Variants in ST3GAL3 observed in about 807,000 individuals in gnomAD.
ST3GAL3 encodes the protein CMP-N-acetylneuraminate-beta-1,4-galactoside alpha-2,3-sialyltransferase.
ST3GAL3 carries 21 observed loss-of-function variants against 50.1 expected under a neutral mutation model. The ratio of observed to expected loss-of-function variants is 0.42; its 90% CI spans 0.30 to 0.60. ST3GAL3 has a LOEUF of 0.60. ST3GAL3 is among the 20% of genes least tolerant of loss of function. The pLI, the probability that ST3GAL3 is intolerant of heterozygous loss-of-function variation, is 0.19. For missense variants in ST3GAL3, 353 were observed against 489.4 expected (o/e 0.72, Z 2.63); for synonymous variants, 183 against 190.0 (o/e 0.96, Z 0.30).
intron 2 of ST3GAL3, among the ~76,000 whole-genome samples, chr1:43,747,705 C>T (rs138009855): frequency 1.5e-3 from 230 of 151,574 alleles, no homozygotes; most frequent in African/African-American, 5.2e-3. Flanking sequence ...CTCAGCCTCC[C>T]GAGTAGCTGG....
chr1:43,870,182 G>A (rs2072323585), intron 5 of ST3GAL3, among the ~76,000 whole-genome samples: 1 of 152,250 alleles, frequency 6.6e-6, no homozygotes, highest in African/African-American at 2.4e-5. Flanking sequence ...TAGGGGGAAT[G>A]CCTGCCTACT....
At chr1:43,769,310 A>T (rs1694214940) in intron 2 of ST3GAL3, among the ~76,000 whole-genome samples, 1 of 152,176 alleles carries the variant, frequency 6.6e-6, no homozygotes, top group Non-Finnish European at 1.5e-5. Flanking sequence ...TTAAGGGTGA[A>T]ATTTTGAAAG....
At chr1:43,867,238 G>A (rs545601409) in intron 5 of ST3GAL3, among the ~76,000 whole-genome samples, 1 of 152,250 alleles carries the variant, frequency 6.6e-6, no homozygotes, top group South Asian at 2.1e-4. Flanking sequence ...TTCCTCCCAC[G>A]ACACGTAGGA....
At chr1:43,858,547 G>A (rs551916895) in intron 5 of ST3GAL3, among the ~76,000 whole-genome samples, 16 of 152,340 alleles carry the variant, frequency 1.1e-4, no homozygotes, top group Non-Finnish European at 1.5e-4. Flanking sequence ...CTTGCTGCTT[G>A]TGAAGAGCAA....
At chr1:43,764,820 A>C (rs1691950843) in intron 2 of ST3GAL3, among the ~76,000 whole-genome samples, 1 of 152,218 alleles carries the variant, frequency 6.6e-6, no homozygotes, top group Non-Finnish European at 1.5e-5. Context: ...GAGGGCTGAC[A>C]GTTGAGGCCT....
rs575796674 is a variant in ST3GAL3 at position 43,904,440 on chromosome 1, C to T, written c.744+4713C>T. Reference sequence around the variant, plus strand: ...TGAGACCAGCTCTTCGAGGATTCTCCACCATTTCCTTTGCGGCCATCACCA... The same window carrying T: ...TGAGACCAGCTCTTCGAGGATTCTCTACCATTTCCTTTGCGGCCATCACCA... On this transcript the variant is annotated intron_variant, in intron 9 of 11. Coordinates refer to ENST00000347631, the MANE Select transcript of ST3GAL3 (RefSeq NM_006279.5). Among the ~76,000 whole-genome samples the T allele has an allele frequency of 2.9e-3, 448 of 152,098 alleles. 4 individuals carry two copies. The highest frequency in any genetic ancestry group is 0.01 in the African/African-American group (424 of 41,460).
rs140104989 is a variant in ST3GAL3 at position 43,891,523 on chromosome 1, C to T, written c.303-2860C>T. ...GGCAGAGGTTGCAGTGAGCTGAGAT[C>T]GCACCATTGCACTCCAGCCTGGGCA... On this transcript the variant is annotated intron_variant, in intron 5 of 11. Transcript: ENST00000347631. 4.0e-3 allele frequency among the ~76,000 whole-genome samples: 602 copies of T among 152,230 alleles called. 2 individuals are homozygous for T. The highest frequency in any genetic ancestry group is 0.011 in the African/African-American group (474 of 41,548).
chr1:43,795,614 A>C (rs1441297689), intron 3 of ST3GAL3, among the ~76,000 whole-genome samples: 1 of 152,228 alleles, frequency 6.6e-6, no homozygotes, highest in Admixed American at 6.5e-5. Flanking sequence ...ACATCGCCAA[A>C]AACGTTTTAG....
intron 5 of ST3GAL3, among the ~76,000 whole-genome samples, chr1:43,844,299 G>A (rs1426202117): frequency 6.6e-6 from 1 of 152,160 alleles, no homozygotes; most frequent in Non-Finnish European, 1.5e-5. Context: ...CAGAGGGTGA[G>A]ACTGAAAGTT....
intron 5 of ST3GAL3, among the ~76,000 whole-genome samples, chr1:43,884,739 C>T (rs1370580534): frequency 6.6e-6 from 1 of 152,212 alleles, no homozygotes. Context: ...CCCTTTGTCT[C>T]ATGGGCTGCT....
chr1:43,728,816 GTATA>G (rs1179636514), intron 1 of ST3GAL3, among the ~76,000 whole-genome samples: 1 of 152,038 alleles, frequency 6.6e-6, no homozygotes, highest in Admixed American at 6.6e-5. Flanking sequence ...TTATGTCTTT[GTATA>G]TATAACACAC....
intron 7 of ST3GAL3, 150 bp downstream of exon 7, chr1:43,898,448 G>A (rs1444165558): frequency 2.2e-5 from 18 of 815,702 alleles, no homozygotes; most frequent in East Asian, 7.9e-5. Context: ...GGTGGAGCAG[G>A]TAAGTGGAAC....
At chr1:43,836,984 G>C (rs984427677) in intron 4 of ST3GAL3, among the ~76,000 whole-genome samples, 1 of 152,204 alleles carries the variant, frequency 6.6e-6, no homozygotes, top group South Asian at 2.1e-4. Flanking sequence ...CCTTGAGATT[G>C]CCTTGTCTGC....
intron 9 of ST3GAL3, among the ~76,000 whole-genome samples, chr1:43,917,650 A>G (rs1419380633): frequency 1.7e-5 from 1 of 57,332 alleles, no homozygotes; most frequent in Non-Finnish European, 3.6e-5. Context: ...ATAATATATA[A>G]TATAATATAT....
intron 2 of ST3GAL3, among the ~76,000 whole-genome samples, chr1:43,775,233 A>ATT (rs60327798): frequency 8.4e-5 from 12 of 142,288 alleles, no homozygotes; most frequent in Non-Finnish European, 1.1e-4. Flanking sequence ...GGAAATCTGA[A>ATT]TTTTTTTTTT....
chr1:43,790,472 C>T (rs551145929), intron 2 of ST3GAL3, among the ~76,000 whole-genome samples: 1 of 152,204 alleles, frequency 6.6e-6, no homozygotes, highest in South Asian at 2.1e-4. Context: ...TTGGGCCTTA[C>T]ATCATCTTGG....
chr1:43,814,843 A>G, intron 3 of ST3GAL3, 48 bp from the exon 4 acceptor site: 1 of 1,592,980 alleles, frequency 6.3e-7, no homozygotes, highest in Non-Finnish European at 8.6e-7. Flanking sequence ...ATATGCTAGT[A>G]TCATCAGTGA....
intron 1 of ST3GAL3, among the ~76,000 whole-genome samples, chr1:43,733,807 T>C (rs1177092366): frequency 1.3e-5 from 2 of 152,236 alleles, no homozygotes; most frequent in Non-Finnish European, 2.9e-5. Context: ...TATTTCAAAT[T>C]GAATCTTCTC....
chr1:43,832,483 T>C (rs1434695041), intron 4 of ST3GAL3, among the ~76,000 whole-genome samples: 3 of 152,116 alleles, frequency 2.0e-5, no homozygotes, highest in Admixed American at 6.5e-5. Context: ...TGAGTCTACA[T>C]TGGAAGCCAC....
Sources: allele counts gnomAD v4.1 joint callset (sites outside exome capture counted in the v4.1 genomes callset), GRCh38; gene constraint gnomAD v4.1.1; transcripts MANE v1.5; gene names NCBI Gene and HGNC (gene_info 2026-07-23, HGNC 2026-07-21).